Variants in PCDH9 observed in about 807,000 individuals in gnomAD.
PCDH9 encodes protocadherin 9.
PCDH9 carries 24 observed loss-of-function variants against 70.6 expected under a neutral mutation model. The observed-to-expected ratio is 0.34, with a 90% CI of 0.25 to 0.48. The LOEUF (loss-of-function observed/expected upper bound fraction) is 0.48, where lower values mean the gene tolerates loss of function less well. PCDH9 is among the 20% of genes least tolerant of loss of function. The pLI is 0.99. For missense variants in PCDH9, 1,281 were observed against 1,503.6 expected, an observed-to-expected ratio of 0.85 and a Z score of 2.45; for synonymous variants, 562 against 558.5, an observed-to-expected ratio of 1.01 and a Z score of -0.09.
At chr13:66,373,211 G>A (rs972623766) in intron 4 of PCDH9, among the ~76,000 whole-genome samples, 1 of 151,980 alleles carries the variant, frequency 6.6e-6, no homozygotes, top group African/African-American at 2.4e-5. Flanking sequence ...AGGACGTTAT[G>A]CCAGATGAAA....
chr13:66,661,141 T>A (rs1435085020), intron 3 of PCDH9, among the ~76,000 whole-genome samples: 1 of 152,228 alleles, frequency 6.6e-6, no homozygotes, highest in Non-Finnish European at 1.5e-5. Flanking sequence ...GCAATAGCCA[T>A]AATTATGCTG....
At chr13:66,640,517 G>T (rs980158142) in intron 3 of PCDH9, among the ~76,000 whole-genome samples, 5 of 131,996 alleles carry the variant, frequency 3.8e-5, no homozygotes, top group Admixed American at 8.7e-5. Context: ...AAACAGTCAC[G>T]CACCCATGCA....
chr13:67,091,684 A>G (rs1215175514), intron 2 of PCDH9, among the ~76,000 whole-genome samples: 1 of 152,202 alleles, frequency 6.6e-6, no homozygotes, highest in East Asian at 1.9e-4. Flanking sequence ...AAATATTAAT[A>G]CCAATGTAAT....
chr13:67,142,990 C>T (rs1325439517), intron 2 of PCDH9, among the ~76,000 whole-genome samples: 1 of 151,418 alleles, frequency 6.6e-6, no homozygotes, highest in Non-Finnish European at 1.5e-5. Context: ...GCCTGGGCAA[C>T]AGAGCTAGAC....
chr13:67,061,009 T>C (rs1304875675), intron 2 of PCDH9, among the ~76,000 whole-genome samples: 1 of 152,126 alleles, frequency 6.6e-6, no homozygotes, highest in Non-Finnish European at 1.5e-5. Context: ...AAAGCTACAT[T>C]TTCAATAGCT....
chr13:66,458,298 T>A (rs1345078109), intron 4 of PCDH9, among the ~76,000 whole-genome samples: 1 of 152,012 alleles, frequency 6.6e-6, no homozygotes, highest in African/African-American at 2.4e-5. Context: ...TATAATTACA[T>A]CTAAATGAAA....
intron 2 of PCDH9, chr13:66,977,498 T>C (rs527443610): frequency 1.3e-5 from 2 of 152,266 alleles, no homozygotes; most frequent in Admixed American, 6.5e-5. Flanking sequence ...TAAGATTCTG[T>C]TGTCTTAAAG....
chr13:66,758,165 A>C (rs1285265600), intron 3 of PCDH9, among the ~76,000 whole-genome samples: 1 of 152,090 alleles, frequency 6.6e-6, no homozygotes, highest in African/African-American at 2.4e-5. Flanking sequence ...GGTTAAATCT[A>C]GCTATTTAAC....
intron 2 of PCDH9, among the ~76,000 whole-genome samples, chr13:66,956,859 T>TC (rs1230142733): frequency 6.6e-6 from 1 of 151,938 alleles, no homozygotes; most frequent in Non-Finnish European, 1.5e-5. Context: ...TCTTCCCCTC[T>TC]CCCCCCACCA....
chr13:66,602,377 C>T (rs1368318648), intron 4 of PCDH9, among the ~76,000 whole-genome samples: 2 of 145,648 alleles, frequency 1.4e-5, no homozygotes, highest in East Asian at 1.9e-4. Context: ...CATGTTATTG[C>T]CTCTGAAGAC....
chr13:66,989,758 T>C (rs1349764499), intron 2 of PCDH9, among the ~76,000 whole-genome samples: 2 of 151,906 alleles, frequency 1.3e-5, no homozygotes, highest in Non-Finnish European at 2.9e-5. Flanking sequence ...GCACTTGGTA[T>C]AGCAGCCACT....
intron 3 of PCDH9, among the ~76,000 whole-genome samples, chr13:66,769,025 TCA>T (rs2079762073): frequency 6.6e-6 from 1 of 152,082 alleles, no homozygotes; most frequent in South Asian, 2.1e-4. Context: ...AAGGTATGCA[TCA>T]TCTTACTTTG....
At chr13:66,454,969 C>A (rs1402919612) in intron 4 of PCDH9, among the ~76,000 whole-genome samples, 1 of 151,994 alleles carries the variant, frequency 6.6e-6, no homozygotes, top group East Asian at 1.9e-4. Context: ...ATAAGAATAA[C>A]TTTCTATGTA....
intron 4 of PCDH9, among the ~76,000 whole-genome samples, chr13:66,509,835 A>T (rs1480220109): frequency 6.6e-6 from 1 of 152,168 alleles, no homozygotes; most frequent in Non-Finnish European, 1.5e-5. Context: ...CATAGAGCCA[A>T]ATGACATCTT....
At chr13:66,822,966 T>C (rs928925143) in intron 3 of PCDH9, among the ~76,000 whole-genome samples, 1 of 152,098 alleles carries the variant, frequency 6.6e-6, no homozygotes, top group Non-Finnish European at 1.5e-5. Context: ...TGTATAAAAC[T>C]CTATTTTAAA....
chr13:66,509,320 A>T (rs978344644), intron 4 of PCDH9, among the ~76,000 whole-genome samples: 2 of 152,152 alleles, frequency 1.3e-5, no homozygotes, highest in African/African-American at 4.8e-5. Flanking sequence ...AGAACCTGGG[A>T]ACCATCTTGT....
At chr13:66,733,984 A>T (rs1052613391) in intron 3 of PCDH9, among the ~76,000 whole-genome samples, 2 of 152,136 alleles carry the variant, frequency 1.3e-5, no homozygotes, top group African/African-American at 4.8e-5. Context: ...GAGATAATTC[A>T]TGCCATACCC....
At chr13:66,700,011 A>C (rs1250643777) in intron 3 of PCDH9, among the ~76,000 whole-genome samples, 3 of 152,090 alleles carry the variant, frequency 2.0e-5, no homozygotes, top group Non-Finnish European at 4.4e-5. Context: ...ATTATCTGTA[A>C]CTGTTCTAAA....
At chr13:66,517,663 C>T (rs955677142) in intron 4 of PCDH9, among the ~76,000 whole-genome samples, 2 of 152,058 alleles carry the variant, frequency 1.3e-5, no homozygotes, top group South Asian at 2.1e-4. Context: ...AATCCATTGC[C>T]TATCCCTTCT....
Sources: allele counts gnomAD v4.1 joint callset (sites outside exome capture counted in the v4.1 genomes callset), GRCh38; gene constraint gnomAD v4.1.1; transcripts MANE v1.5; gene names NCBI Gene and HGNC (gene_info 2026-07-23, HGNC 2026-07-21).